The following STXBP5L variants were observed in gnomAD, a reference collection of about 807,000 sequenced individuals.
STXBP5L encodes the protein syntaxin-binding protein 5-like.
A neutral mutation model predicts 144.5 loss-of-function variants in STXBP5L; 65 were observed. That is an observed-to-expected ratio of 0.45 (90% CI 0.37 to 0.55). STXBP5L has a LOEUF of 0.55. Among genes scored for constraint, STXBP5L ranks in the 20% least tolerant of loss-of-function variants. STXBP5L has a pLI of 0.00. For synonymous variants in STXBP5L, 505 were observed against 469.6 expected, an observed-to-expected ratio of 1.08 and a Z score of -0.97; for missense variants, 1,298 against 1,405.5, an observed-to-expected ratio of 0.92 and a Z score of 1.22.
chr3:121,201,887 A>C (rs898836985), intron 9 of STXBP5L, among the ~76,000 whole-genome samples: 5 of 151,996 alleles, frequency 3.3e-5, no homozygotes. Flanking sequence ...TCCCGAGTAG[A>C]TGGGATTACC....
intron 5 of STXBP5L, among the ~76,000 whole-genome samples, chr3:121,067,829 C>A: frequency 6.6e-6 from 1 of 152,098 alleles, no homozygotes; most frequent in Non-Finnish European, 1.5e-5. Flanking sequence ...ATTACTTTAT[C>A]ATTATAAAAT....
intron 6 of STXBP5L, among the ~76,000 whole-genome samples, chr3:121,118,475 G>C (rs1476391202): frequency 6.6e-6 from 1 of 151,634 alleles, no homozygotes; most frequent in Non-Finnish European, 1.5e-5. Flanking sequence ...TGTTGGAATG[G>C]CTGGTGGATA....
intron 19 of STXBP5L, among the ~76,000 whole-genome samples, chr3:121,312,368 CTTTTTT>C (rs71619793): frequency 3.3e-5 from 2 of 60,086 alleles, no homozygotes; most frequent in Admixed American, 2.0e-4. Flanking sequence ...TAAAGAGCTT[CTTTTTT>C]TTTTTTTTTT....
chr3:121,183,803 A>AT (rs1157951974), intron 9 of STXBP5L, among the ~76,000 whole-genome samples: 4 of 152,074 alleles, frequency 2.6e-5, no homozygotes, highest in Non-Finnish European at 5.9e-5. Flanking sequence ...CAGACACCTC[A>AT]TACAGGAGAG....
At chr3:121,343,463 T>C (rs1055039485) in intron 20 of STXBP5L, among the ~76,000 whole-genome samples, 1 of 152,166 alleles carries the variant, frequency 6.6e-6, no homozygotes, top group African/African-American at 2.4e-5. Flanking sequence ...AAATTATCCC[T>C]GTTTGCAGAT....
intron 22 of STXBP5L, among the ~76,000 whole-genome samples, chr3:121,384,601 C>G (rs941552585): frequency 1.3e-5 from 2 of 151,904 alleles, no homozygotes; most frequent in African/African-American, 4.8e-5. Flanking sequence ...TAGAATGATA[C>G]TAAATGAGGA....
chr3:120,964,480 C>G (rs1437748240), intron 3 of STXBP5L, among the ~76,000 whole-genome samples: 1 of 152,078 alleles, frequency 6.6e-6, no homozygotes, highest in East Asian at 1.9e-4. Flanking sequence ...TGTCTTTGTT[C>G]TCATTGGTTT....
chr3:121,169,622 G>A (rs915262846), intron 9 of STXBP5L, among the ~76,000 whole-genome samples: 15 of 152,256 alleles, frequency 9.9e-5, no homozygotes, highest in African/African-American at 2.9e-4. Flanking sequence ...AATGGTAAAG[G>A]AATCAATGCA....
intron 3 of STXBP5L, among the ~76,000 whole-genome samples, chr3:121,025,865 TTA>T (rs1945888878): frequency 6.8e-6 from 1 of 147,052 alleles, no homozygotes; most frequent in Non-Finnish European, 1.5e-5. Context: ...TATCATTAAA[TTA>T]TATTATAATT....
At chr3:121,389,630 A>C (rs2046524209) in intron 22 of STXBP5L, among the ~76,000 whole-genome samples, 1 of 152,112 alleles carries the variant, frequency 6.6e-6, no homozygotes. Context: ...TTCTGCCTTC[A>C]TTTTGTTATT....
At chr3:121,351,307 T>A (rs1180492490) in intron 20 of STXBP5L, among the ~76,000 whole-genome samples, 1 of 152,078 alleles carries the variant, frequency 6.6e-6, no homozygotes, top group Non-Finnish European at 1.5e-5. Flanking sequence ...GCTGCCTGAT[T>A]GTTCCTCTGG....
At chr3:121,356,444 A>T (rs745343202) in intron 20 of STXBP5L, among the ~76,000 whole-genome samples, 21 of 152,192 alleles carry the variant, frequency 1.4e-4, no homozygotes, top group Non-Finnish European at 2.2e-4. Context: ...GCTCAATCTC[A>T]GATTGCTGTG....
chr3:121,173,020 G>A (rs1157684267), intron 9 of STXBP5L, among the ~76,000 whole-genome samples: 1 of 152,146 alleles, frequency 6.6e-6, no homozygotes, highest in Non-Finnish European at 1.5e-5. Context: ...ATGAGTTCAT[G>A]TTCTTTATAA....
At chr3:121,050,549 C>A (rs546227284) in intron 5 of STXBP5L, among the ~76,000 whole-genome samples, 54 of 152,208 alleles carry the variant, frequency 3.5e-4, no homozygotes, top group African/African-American at 1.2e-3. Context: ...GATTTTGTCA[C>A]CACCAGGCCT....
chr3:121,307,154 A>G (rs1414283260), intron 19 of STXBP5L, among the ~76,000 whole-genome samples: 3 of 152,236 alleles, frequency 2.0e-5, no homozygotes, highest in Non-Finnish European at 4.4e-5. Flanking sequence ...GAATAAATAA[A>G]TAAGCAAACA....
At chr3:121,386,694 G>T (rs1192552309) in intron 22 of STXBP5L, among the ~76,000 whole-genome samples, 1 of 152,086 alleles carries the variant, frequency 6.6e-6, no homozygotes. Context: ...TGAGAATGAT[G>T]GTTTCCAGCT....
At chr3:120,975,029 C>T (rs1287244606) in intron 3 of STXBP5L, among the ~76,000 whole-genome samples, 1 of 152,142 alleles carries the variant, frequency 6.6e-6, no homozygotes, top group Non-Finnish European at 1.5e-5. Flanking sequence ...GATGCGGGCT[C>T]TTTTTTGGTT....
At chr3:121,327,183 C>G (rs1371993346) in intron 20 of STXBP5L, among the ~76,000 whole-genome samples, 3 of 152,092 alleles carry the variant, frequency 2.0e-5, no homozygotes, top group African/African-American at 7.2e-5. Flanking sequence ...TACGAATATA[C>G]AGATGATTGA....
Position 120,976,804 on chromosome 3 carries a change from C to G in STXBP5L, c.287+21767C>G, listed in dbSNP as rs553600497. Reference sequence around the variant, plus strand: ...TTCCTGCCTTCATTTCGTTATGTACCCAGTAGTCATTCAGGAGCAGGTTGT... The same window carrying G: ...TTCCTGCCTTCATTTCGTTATGTACGCAGTAGTCATTCAGGAGCAGGTTGT... On this transcript the variant is annotated intron_variant, in intron 3 of 26. Coordinates refer to ENST00000471454, the MANE Select transcript of STXBP5L (RefSeq NM_001308330.2). Among the ~76,000 whole-genome samples, 828 of 152,118 alleles carry G rather than the reference C, an allele frequency of 5.4e-3. 12 individuals carry two copies. The highest frequency in any genetic ancestry group is 0.019 in the African/African-American group (794 of 41,504).
Sources: allele counts gnomAD v4.1 joint callset (sites outside exome capture counted in the v4.1 genomes callset), GRCh38; gene constraint gnomAD v4.1.1; transcripts MANE v1.5; gene names NCBI Gene and HGNC (gene_info 2026-07-23, HGNC 2026-07-21).